The following APOL5 variants were observed in gnomAD, a reference collection of about 807,000 sequenced individuals.
The protein encoded by APOL5 is apolipoprotein L, 5.
A neutral mutation model predicts 35.5 loss-of-function variants in APOL5; 29 were observed. The observed-to-expected ratio is 0.82, with a 90% CI of 0.61 to 1.11. The LOEUF (loss-of-function observed/expected upper bound fraction) is 1.11, where lower values mean the gene tolerates loss of function less well. Ranked by LOEUF, APOL5 falls within the 50% of genes most tolerant of loss-of-function variation. APOL5 has a pLI of 0.00. For synonymous variants in APOL5, 188 were observed against 200.2 expected (o/e 0.94, Z 0.51); for missense variants, 514 against 530.4 (o/e 0.97, Z 0.30).
chr22:35,711,977 CTGT>C, the APOL5 span, among the ~76,000 whole-genome samples: 5 of 151,560 alleles, frequency 3.3e-5, no homozygotes, highest in South Asian at 8.4e-4. Flanking sequence ...GCCCAGCCTT[CTGT>C]TGTTGTTGTG....
At position 35,720,636 on chromosome 22, in the gene APOL5, T is replaced by A; in HGVS notation, c.124T>A (p.Ser42Thr). 6.2e-7 allele frequency: 1 copy of A among 1,613,390 alleles called. No individual in the cohort carries two copies. Among genetic ancestry groups the A allele is most frequent in the Non-Finnish European group, 8.5e-7 (1 of 1,179,510 alleles). Residue 42 changes from serine to threonine, a missense_variant, in exon 2 of 5, where the codon TCC becomes ACC. Physicochemically the swap from Ser to Thr is moderately conservative, Grantham distance 58 (BLOSUM62 1). Coordinates refer to ENST00000249044, the MANE Select transcript of APOL5 (RefSeq NM_030642.1). ...CTACGGAGGTGAGGTCTGGGGGAAGTCCCCAGAACCTGAGTTCCGTGAGGG... is the reference window on the plus strand; with the variant it reads ...CTACGGAGGTGAGGTCTGGGGGAAGACCCCAGAACCTGAGTTCCGTGAGGG... ...VIYGGEVWGK[S>T]PEPEFPSLVN...
intron 1 of APOL5, among the ~76,000 whole-genome samples, chr22:35,719,654 C>A (rs970924384): frequency 6.6e-6 from 1 of 152,226 alleles, no homozygotes; most frequent in African/African-American, 2.4e-5. Flanking sequence ...CGGTGCCCTG[C>A]GGCTCAAACC....
intron 1 of APOL5, among the ~76,000 whole-genome samples, chr22:35,718,372 CT>C: frequency 6.6e-6 from 1 of 152,290 alleles, no homozygotes; most frequent in Non-Finnish European, 1.5e-5. Context: ...AATCCCAACA[CT>C]TTGGGAGGCC....
intron 2 of APOL5, among the ~76,000 whole-genome samples, chr22:35,724,028 C>CT (rs1382004293): frequency 6.6e-6 from 1 of 152,182 alleles, no homozygotes; most frequent in Non-Finnish European, 1.5e-5. Flanking sequence ...AGTGAGCCCT[C>CT]TCCCGTGGAA....
chr22:35,720,681 CT>C, intron 2 of APOL5, 27 bp downstream of exon 2: 1 of 1,474,208 alleles, frequency 6.8e-7, no homozygotes, highest in Non-Finnish European at 9.5e-7. Flanking sequence ...GGCTGTTATG[CT>C]TATGGCCACA....
the APOL5 span, among the ~76,000 whole-genome samples, chr22:35,712,430 T>C: frequency 2.6e-5 from 4 of 152,038 alleles, no homozygotes; most frequent in Admixed American, 2.0e-4. Context: ...GTTGCCCAGG[T>C]TGGTCTTGAA....
chr22:35,719,008 G>A (rs1336186262), intron 1 of APOL5, among the ~76,000 whole-genome samples: 2 of 149,856 alleles, frequency 1.3e-5, no homozygotes, highest in Non-Finnish European at 3.0e-5. Flanking sequence ...GCAGTGAGCC[G>A]AGATCGCACC....
At chr22:35,716,121 A>G (rs1213414303), upstream of APOL5, among the ~76,000 whole-genome samples, 1 of 152,228 alleles carries the variant, frequency 6.6e-6, no homozygotes, top group African/African-American at 2.4e-5. Flanking sequence ...AAAAGAAAAC[A>G]ATATTAACAT....
chr22:35,727,334 A>C, intron 3 of APOL5, 140 bp downstream of exon 3: 1 of 1,269,600 alleles, frequency 7.9e-7, no homozygotes, highest in Non-Finnish European at 1.1e-6. Flanking sequence ...CTTGCCGCAC[A>C]CCCCTGACAT....
chr22:35,728,756 A>G lies in APOL5; in HGVS notation c.1160A>G (p.Glu387Gly). The change falls in exon 4 of 5, where the codon GAG (glutamate) becomes GGG (glycine). Residue 387 changes from glutamate (E) to glycine (G), a missense_variant. Physicochemically the swap from Glu to Gly is moderately conservative, Grantham distance 98. Transcript: ENST00000249044. ...SRSPLPWPVV[E>G]HQPRLGPGVA... ...TCACCTCTCCCCTGGCCTGTTGTGG[A>G]GCACCAGCCTAGGCTGGGCCCTGGC... 1.2e-6 allele frequency: 2 copies of G among 1,613,458 alleles called. No homozygotes were observed. The highest frequency in any genetic ancestry group is 8.5e-7 in the Non-Finnish European group (1 of 1,179,780).
chr22:35,728,704 AG>A lies in APOL5; in HGVS notation c.1127-16del. On this transcript the variant is annotated intron_variant, in intron 3 of 4. Coordinates refer to ENST00000249044, the MANE Select transcript of APOL5 (RefSeq NM_030642.1). Reference sequence around the variant, plus strand: ...CTCTTTCTTGGAAGTTGTAAGACACAGGGACTCATGTTCCACAGGGTCTCGC... The same window carrying A: ...CTCTTTCTTGGAAGTTGTAAGACACAGGACTCATGTTCCACAGGGTCTCGC... The A allele has an allele frequency of 6.2e-7, 1 of 1,607,876 alleles. No individual in the cohort carries two copies. Among genetic ancestry groups the A allele is most frequent in the Non-Finnish European group, 8.5e-7 (1 of 1,177,600 alleles).
chr22:35,726,671 A>G lies in APOL5; in HGVS notation c.603A>G (p.Lys201=). The G allele has an allele frequency of 6.2e-7, 1 of 1,614,226 alleles. No homozygotes were observed. The highest frequency in any genetic ancestry group is 2.2e-5 in the East Asian group (1 of 44,886). The part of the protein sequence containing the change: ...ENRSNSAARD[K]ASRLGPLTTS... ...GAAGCAATTCAGCAGCAAGAGACAAAGCCAGCCGACTGGGGCCTCTGACAA... is the reference window on the plus strand; with the variant it reads ...GAAGCAATTCAGCAGCAAGAGACAAGGCCAGCCGACTGGGGCCTCTGACAA... The change falls in exon 3 of 5, where the codon AAA becomes AAG. Residue 201 remains lysine (K), a synonymous_variant. Coordinates refer to ENST00000249044, the MANE Select transcript of APOL5 (RefSeq NM_030642.1).
At chr22:35,715,034 TTCGTGAA>T (rs1437516939), upstream of APOL5, among the ~76,000 whole-genome samples, 1 of 152,200 alleles carries the variant, frequency 6.6e-6, no homozygotes. Flanking sequence ...AATATGATGA[TTCGTGAA>T]ACATCTGTGT....
intron 2 of APOL5, among the ~76,000 whole-genome samples, chr22:35,722,077 G>A (rs942421890): frequency 2.6e-5 from 4 of 152,040 alleles, no homozygotes; most frequent in African/African-American, 4.8e-5. Flanking sequence ...CAGTGCTCCC[G>A]TTAAGTCTGA....
the APOL5 span, among the ~76,000 whole-genome samples, chr22:35,711,992 TTTG>T: frequency 2.0e-5 from 3 of 150,882 alleles, no homozygotes; most frequent in Non-Finnish European, 3.0e-5. Context: ...GTTGTTGTGT[TTTG>T]TTGTTGTTGT....
intron 2 of APOL5, among the ~76,000 whole-genome samples, chr22:35,724,251 G>A (rs949005633): frequency 4.0e-5 from 6 of 149,894 alleles, no homozygotes; most frequent in African/African-American, 9.9e-5. Flanking sequence ...CCAGGAGTTC[G>A]AGGCCAGCCT....
chr22:35,719,665 C>G (rs962594275), intron 1 of APOL5, among the ~76,000 whole-genome samples: 3 of 152,220 alleles, frequency 2.0e-5, no homozygotes, highest in Non-Finnish European at 4.4e-5. Flanking sequence ...GGCTCAAACC[C>G]CTAGGGGGAG....
At chr22:35,728,150 G>GGTGGGTCCCAC (rs1415969903) in intron 3 of APOL5, among the ~76,000 whole-genome samples, 1 of 152,190 alleles carries the variant, frequency 6.6e-6, no homozygotes, top group Admixed American at 6.5e-5. Context: ...CTGATGAGTG[G>GGTGGGTCCCAC]GTGGGTCCCA....
intron 2 of APOL5, among the ~76,000 whole-genome samples, chr22:35,721,412 G>A (rs543539174): frequency 1.4e-4 from 21 of 152,142 alleles, no homozygotes; most frequent in African/African-American, 5.1e-4. Flanking sequence ...GTGTGGTGGA[G>A]CATGCCTGTA....
Sources: gnomAD v4.1 joint callset for allele counts (sites outside exome capture counted in the v4.1 genomes callset) on GRCh38, gnomAD v4.1.1 for gene constraint, MANE v1.5 for transcripts, NCBI Gene and HGNC (gene_info 2026-07-23, HGNC 2026-07-21) for gene names.